PARD6G: variants seen among roughly 807,000 people sequenced by gnomAD.
PARD6G encodes the protein par-6 family cell polarity regulator gamma.
In PARD6G, 7 loss-of-function variants were observed where a neutral mutation model predicts 10.7. The ratio of observed to expected loss-of-function variants is 0.66; its 90% confidence interval spans 0.37 to 1.23. The LOEUF is 1.23. Among genes scored for constraint, PARD6G ranks in the 50% most tolerant of loss-of-function variants. PARD6G has a pLI of 0.02. For missense variants in PARD6G, 548 were observed against 571.8 expected, an observed-to-expected ratio of 0.96 and a Z score of 0.42; for synonymous variants, 287 against 269.4, an observed-to-expected ratio of 1.07 and a Z score of -0.64.
At chr18:80,240,757 A>C (rs1697357264) in intron 1 of PARD6G, among the ~76,000 whole-genome samples, 1 of 152,138 alleles carries the variant, frequency 6.6e-6, no homozygotes, top group African/African-American at 2.4e-5. Flanking sequence ...TGGTGGGATG[A>C]CTGGGCTGCA....
chr18:80,194,447 T>A (rs1023368154), intron 2 of PARD6G, among the ~76,000 whole-genome samples: 2 of 152,226 alleles, frequency 1.3e-5, no homozygotes, highest in Admixed American at 6.5e-5. Context: ...AGGAAACTTA[T>A]ACAACTTGGT....
Position 80,157,589 on chromosome 18 carries a change from A to G in PARD6G, c.*2182T>C, listed in dbSNP as rs2052664211. ...ACATTTCCTTTGTGAGGGTAACATT[A>G]TTAGTTTTAGTTCCACAAAAACTGC... On this transcript the variant is annotated 3_prime_UTR_variant, in exon 3 of 3. Transcript: ENST00000353265. 1.3e-5 allele frequency: 2 copies of G among 152,270 alleles called. No individual in the cohort carries two copies. Among genetic ancestry groups the G allele is most frequent in the Admixed American group, 1.3e-4 (2 of 15,286 alleles). 9.4% of individuals were successfully genotyped at this position (152,270 alleles called of 1,614,324 possible).
chr18:80,198,689 G>T (rs1966981019), intron 2 of PARD6G, among the ~76,000 whole-genome samples: 1 of 152,160 alleles, frequency 6.6e-6, no homozygotes, highest in South Asian at 2.1e-4. Context: ...GGGGAAGAGA[G>T]GATTTTTTTT....
In PARD6G at chr18:80,157,724, T is replaced by C. The variant is rs1317068982; in HGVS notation, c.*2047A>G. Reference sequence around the variant, plus strand: ...GGAAGCATCTTTGGTCTTCTCTTGCTTAGGAACAAAGGGCCAGCAATCCAT... The same window carrying C: ...GGAAGCATCTTTGGTCTTCTCTTGCCTAGGAACAAAGGGCCAGCAATCCAT... On this transcript the variant is annotated 3_prime_UTR_variant, in exon 3 of 3. Coordinates refer to ENST00000353265, the MANE Select transcript of PARD6G (RefSeq NM_032510.4). 6.6e-6 allele frequency: 1 copy of C among 152,190 alleles called. No homozygotes were observed. Among genetic ancestry groups the C allele is most frequent in the East Asian group, 1.9e-4 (1 of 5,200 alleles). The allele number at this position is 152,190 out of a possible 1,614,324, so 9.4% of individuals were successfully genotyped here. A position where few individuals can be genotyped will look rare whatever the true frequency, so the allele number is the denominator to read the frequency against.
intron 1 of PARD6G, among the ~76,000 whole-genome samples, chr18:80,222,680 T>C (rs926303105): frequency 2.6e-5 from 4 of 152,108 alleles, no homozygotes; most frequent in Admixed American, 1.3e-4. Context: ...TTTATTTATT[T>C]ATTCATTTTT....
chr18:80,217,888 T>A (rs1028382596), intron 1 of PARD6G, among the ~76,000 whole-genome samples: 17 of 152,232 alleles, frequency 1.1e-4, no homozygotes, highest in Admixed American at 2.0e-4. Flanking sequence ...AGCAAACACA[T>A]CCTTCTTCAC....
chr18:80,168,573 TTGTGTGTGTGTGTGTGTGTGTGTG>T (rs3051500), intron 2 of PARD6G, among the ~76,000 whole-genome samples: 1 of 144,336 alleles, frequency 6.9e-6, no homozygotes, highest in African/African-American at 2.6e-5. Flanking sequence ...CAAATTATGT[TTGTGTGTGTGTGTGTGTGTGTGTG>T]TGTGTGTGTG....
At position 80,159,788 on chromosome 18, in the gene PARD6G, G is replaced by A. The variant is rs1488703184; in HGVS notation, c.1114C>T (p.Pro372Ser). The change falls in exon 3 of 3, where the codon CCC becomes TCC. Residue 372 changes from proline to serine, a missense_variant. Pro to Ser is a moderately conservative substitution (Grantham distance 74, BLOSUM62 -1). Around this residue, in one of 2 missense-constraint regions of PARD6G, gnomAD observed 313 missense variants for 279.9 expected, o/e 1.12. Transcript: ENST00000353265. ...LPPGGVEEHG[P>S]AVTL ...TCGGGAGTCTAGAGCGTGACCGCGG[G>A]CCCGTGCTCCTCCACGCCGCCTGGC... 15 of 1,440,650 alleles carry A rather than the reference G, an allele frequency of 1.0e-5. No individual in the cohort carries two copies. Among genetic ancestry groups the A allele is most frequent in the Non-Finnish European group, 1.2e-5 (13 of 1,103,032 alleles). 89.2% of individuals were successfully genotyped at this position (1,440,650 alleles called of 1,614,324 possible).
At chr18:80,195,544 G>GATATATATATATATATATATAT (rs1235414160) in intron 2 of PARD6G, among the ~76,000 whole-genome samples, 1 of 23,686 alleles carries the variant, frequency 4.2e-5, no homozygotes, top group Non-Finnish European at 8.9e-5. Context: ...AGTCTTCAAA[G>GATATATATATATATATATATAT]ATACATATAT....
At chr18:80,225,338 G>T (rs565243117) in intron 1 of PARD6G, among the ~76,000 whole-genome samples, 13 of 152,338 alleles carry the variant, frequency 8.5e-5, no homozygotes, top group Admixed American at 5.9e-4. Context: ...AGGGAGGGAA[G>T]CTCCTGGCCA....
intron 1 of PARD6G, among the ~76,000 whole-genome samples, chr18:80,213,033 C>T (rs185250512): frequency 2.0e-4 from 30 of 152,162 alleles, no homozygotes; most frequent in Admixed American, 2.0e-4. Flanking sequence ...AGGAACTTAA[C>T]TCTTGTTTAT....
In PARD6G at chr18:80,239,517, T is replaced by C. The variant is rs141369160; in HGVS notation, c.72+7760A>G. The stretch of plus-strand genomic sequence containing the variant: ...TATGAGTTTGTGTTGGGCCACGTTA[T>C]TCAAAGCCATCCTGTTCCACATGTG... On this transcript the variant is annotated intron_variant, in intron 1 of 2. Coordinates refer to ENST00000353265, the MANE Select transcript of PARD6G (RefSeq NM_032510.4). 3.2e-4 allele frequency among the ~76,000 whole-genome samples: 48 copies of C among 152,348 alleles called. No homozygotes were observed. In the East Asian group the frequency reaches 8.5e-3, roughly 27 times the overall value.
At chr18:80,204,588 T>C (rs1967038148) in intron 1 of PARD6G, among the ~76,000 whole-genome samples, 1 of 151,476 alleles carries the variant, frequency 6.6e-6, no homozygotes, top group African/African-American at 2.4e-5. Context: ...TCATCCATTG[T>C]GCACTGCCCT....
At chr18:80,224,063 C>G (rs973062547) in intron 1 of PARD6G, among the ~76,000 whole-genome samples, 9 of 152,172 alleles carry the variant, frequency 5.9e-5, no homozygotes, top group Non-Finnish European at 1.2e-4. Context: ...CTGTCTCCAC[C>G]CTGACCCCAA....
Position 80,247,051 on chromosome 18 carries a change from C to T in PARD6G, c.72+226G>A, listed in dbSNP as rs1176195986. Among the ~76,000 whole-genome samples the T allele has an allele frequency of 6.6e-6, 1 of 152,110 alleles. No individual in the cohort carries two copies. The highest frequency in any genetic ancestry group is 2.4e-5 in the African/African-American group (1 of 41,432). On this transcript the variant is annotated intron_variant, in intron 1 of 2. Coordinates refer to ENST00000353265, the MANE Select transcript of PARD6G (RefSeq NM_032510.4). This position sits in a 1 kb window ranked among gnomAD's most constrained non-coding sequence, Gnocchi z 4.2. ...TCTGCCCGGACTGTCCGATGGCCCT[C>T]GGCCCTCTGAGCGCCGCGGCTGCCG...
intron 2 of PARD6G, among the ~76,000 whole-genome samples, chr18:80,174,541 T>C (rs1186230621): frequency 6.6e-6 from 1 of 152,204 alleles, no homozygotes; most frequent in African/African-American, 2.4e-5. Context: ...GACTCATGGA[T>C]GCAGCCCACA....
Position 80,160,512 on chromosome 18 carries a change from T to G in PARD6G, c.390A>C (p.Ala130=). ...ALRDEGPRRR[A]HLDIGLPRDF... is the part of the protein sequence containing the mutation. ...CGCGCGGGAGGCCGATGTCCAGGTG[T>G]GCACGCCGCCGGGGTCCTTCATCAC... Residue 130 remains alanine (A), a synonymous_variant, in exon 3 of 3, where the codon GCA becomes GCC. Coordinates refer to ENST00000353265, the MANE Select transcript of PARD6G (RefSeq NM_032510.4). 6.5e-7 allele frequency: 1 copy of G among 1,532,064 alleles called. No individual in the cohort carries two copies. Among genetic ancestry groups the G allele is most frequent in the Non-Finnish European group, 8.8e-7 (1 of 1,139,272 alleles). 94.9% of individuals were successfully genotyped at this position (1,532,064 alleles called of 1,614,324 possible).
intron 2 of PARD6G, among the ~76,000 whole-genome samples, chr18:80,186,226 A>G (rs1485372318): frequency 6.9e-6 from 1 of 144,326 alleles, no homozygotes; most frequent in East Asian, 2.2e-4. Context: ...ATGCTTGCAC[A>G]CCCTCACGCA....
At chr18:80,245,571 C>A (rs1346842885) in intron 1 of PARD6G, among the ~76,000 whole-genome samples, 1 of 152,174 alleles carries the variant, frequency 6.6e-6, no homozygotes, top group African/African-American at 2.4e-5. Flanking sequence ...ATCAGGGAGG[C>A]TGAGCAAAGG....
Sources: allele counts gnomAD v4.1 joint callset (sites outside exome capture counted in the v4.1 genomes callset), GRCh38; gene constraint gnomAD v4.1.1; regional missense constraint gnomAD v4.1.1; non-coding constraint Gnocchi (gnomAD v3.1); transcripts MANE v1.5; gene names NCBI Gene and HGNC (gene_info 2026-07-23, HGNC 2026-07-21).